Variants in DLEC1 observed in about 807,000 individuals in gnomAD.
The protein encoded by DLEC1 is DLEC1 cilia and flagella associated protein.
Under a neutral mutation model 198.1 loss-of-function variants are expected in DLEC1, and 146 were observed. The observed-to-expected ratio is 0.74, with a 90% CI of 0.64 to 0.85. The LOEUF is 0.85. Ranked by LOEUF, DLEC1 falls within the 40% of genes least tolerant of loss-of-function variation. DLEC1 has a pLI of 0.00. For missense variants in DLEC1, 2,233 were observed against 2,220.0 expected (o/e 1.01, Z -0.12); for synonymous variants, 897 against 866.8 (o/e 1.03, Z -0.61).
chr3:38,116,557 G>C lies in DLEC1; in HGVS notation c.3961G>C (p.Gly1321Arg), dbSNP rs777594196. 2.5e-6 allele frequency: 4 copies of C among 1,614,126 alleles called. No individual in the cohort carries two copies. Among genetic ancestry groups the C allele is most frequent in the Non-Finnish European group, 3.4e-6 (4 of 1,179,984 alleles). ...GPPFPLRDQA[G>R]NELVCPDTPE... ...ACCTTTCCCGCTGCGGGACCAAGCC[G>C]GGAATGAGCTTGTGTGCCCTGATAC... The change falls in exon 28 of 37, where the codon GGG becomes CGG. Residue 1321 changes from glycine to arginine, a missense_variant. Gly to Arg is a moderately radical substitution (Grantham distance 125). Coordinates refer to ENST00000308059, the MANE Select transcript of DLEC1 (RefSeq NM_007335.4).
chr3:38,092,978 C>G, intron 11 of DLEC1, 98 bp downstream of exon 11: 1 of 1,154,050 alleles, frequency 8.7e-7, no homozygotes, highest in Non-Finnish European at 1.3e-6. Flanking sequence ...CACCTGTTTC[C>G]TGTGTGTGTC....
chr3:38,093,485 C>T, intron 11 of DLEC1, 120 bp from the exon 12 acceptor site: 1 of 1,180,214 alleles, frequency 8.5e-7, no homozygotes, highest in East Asian at 2.3e-5. Flanking sequence ...CCAGTGTGAG[C>T]TTGCAGGAAT....
rs1224334803 is a variant in DLEC1 at position 38,092,811 on chromosome 3, C to T, written c.1687C>T (p.Leu563=). The T allele has an allele frequency of 6.2e-7, 1 of 1,614,058 alleles. No homozygotes were observed. Among genetic ancestry groups the T allele is most frequent in the Non-Finnish European group, 8.5e-7 (1 of 1,179,976 alleles). Residue 563 remains leucine, a synonymous_variant, in exon 11 of 37, where the codon CTA becomes TTA. Coordinates refer to ENST00000308059, the MANE Select transcript of DLEC1 (RefSeq NM_007335.4). ...CCAGGTCTTGTTTTCCCCAAAGAGC[C>T]TAGGAAAGGCAGAGCAGACCTTCAT... ...LVEVLFSPKS[L]GKAEQTFIIM...
At chr3:38,086,206 T>C in intron 8 of DLEC1, 35 bp from the exon 9 acceptor site, 1 of 1,585,312 alleles carries the variant, frequency 6.3e-7, no homozygotes. Flanking sequence ...GAGTGACCTG[T>C]TGTTTCTCTT....
intron 19 of DLEC1, among the ~76,000 whole-genome samples, chr3:38,105,042 G>T: frequency 6.6e-6 from 1 of 151,672 alleles, no homozygotes; most frequent in African/African-American, 2.4e-5. Flanking sequence ...AATTTTTCTT[G>T]TGGTTTCTTA....
intron 6 of DLEC1, among the ~76,000 whole-genome samples, chr3:38,064,158 G>T (rs980672599): frequency 7.9e-5 from 12 of 151,814 alleles, no homozygotes; most frequent in African/African-American, 2.9e-4. Flanking sequence ...GGGCCCTGCC[G>T]CCTTCCGCAG....
At chr3:38,111,214 G>A (rs1439720919) in intron 23 of DLEC1, among the ~76,000 whole-genome samples, 5 of 152,188 alleles carry the variant, frequency 3.3e-5, no homozygotes. Flanking sequence ...GGTGGAAGGC[G>A]ACCCATGAAC....
In DLEC1 at chr3:38,086,248, G is replaced by A. The variant is rs573265663; in HGVS notation, c.1443G>A (p.Pro481=). The A allele has an allele frequency of 1.5e-4, 240 of 1,608,834 alleles. 3 individuals are homozygous for A. In the South Asian group the frequency reaches 2.2e-3, roughly 14 times the overall value. ...GTTCTCCTGTGGCTACAGTGTCACC[G>A]GTGTTGGACTGTGGTTACTGCCTCA... ...RRPPPVLTLS[P]VLDCGYCLIG... The change falls in exon 9 of 37, where the codon CCG becomes CCA. Residue 481 remains proline, a synonymous_variant. Transcript: ENST00000308059.
chr3:38,039,428 A>C lies in DLEC1; in HGVS notation c.203A>C (p.Gln68Pro). ...GCAGCCCGGCCCCGCCGCCTCACGC[A>C]GCTTGCGCTGGCGCAGCGTCCCGAG... is the stretch of plus-strand genomic sequence containing the variant. The part of the protein sequence containing the change: ...SFAARPRRLT[Q>P]LALAQRPEPQ... Residue 68 changes from glutamine to proline, a missense_variant, in exon 1 of 37, where the codon CAG becomes CCG. By Grantham distance (76) the Gln-to-Pro change is moderately conservative. Coordinates refer to ENST00000308059, the MANE Select transcript of DLEC1 (RefSeq NM_007335.4). 1 of 1,613,780 alleles carries C rather than the reference A, an allele frequency of 6.2e-7. No homozygotes were observed. The highest frequency in any genetic ancestry group is 8.5e-7 in the Non-Finnish European group (1 of 1,179,790).
intron 2 of DLEC1, among the ~76,000 whole-genome samples, chr3:38,058,049 T>C (rs1036725640): frequency 5.3e-5 from 8 of 152,142 alleles, no homozygotes; most frequent in African/African-American, 9.7e-5. Flanking sequence ...GTGATCCGCC[T>C]GCCTCAGCCT....
In DLEC1 at chr3:38,095,086, A is replaced by C; in HGVS notation, c.2112+15A>C. 6.2e-7 allele frequency: 1 copy of C among 1,613,564 alleles called. No homozygotes were observed. The highest frequency in any genetic ancestry group is 8.5e-7 in the Non-Finnish European group (1 of 1,179,542). ...CTCCTCATGAGGTTCAGATGGTGTC[A>C]TCTCAGTAGCCACACATGGTTGGAT... On this transcript the variant is annotated intron_variant, in intron 13 of 36. Coordinates refer to ENST00000308059, the MANE Select transcript of DLEC1 (RefSeq NM_007335.4).
chr3:38,041,822 T>C lies in DLEC1; in HGVS notation c.411+2186T>C, dbSNP rs534645758. ...AAGACTGCACCACTGCACTCCAGCC[T>C]GGGCGACAGAACGAGACTCCGTTTC... On this transcript the variant is annotated intron_variant, in intron 1 of 36. Transcript: ENST00000308059. Among the ~76,000 whole-genome samples the C allele has an allele frequency of 2.0e-3, 261 of 127,728 alleles. 2 individuals are homozygous for C. Among genetic ancestry groups the C allele is most frequent in the Middle Eastern group, 0.019 (3 of 162 alleles). The allele number at this position is 127,728 out of a possible 152,430, so 83.8% of individuals were successfully genotyped here.
intron 12 of DLEC1, 72 bp downstream of exon 12, chr3:38,093,839 A>G: frequency 6.3e-7 from 1 of 1,574,866 alleles, no homozygotes; most frequent in Non-Finnish European, 8.6e-7. Context: ...TCCCAGTGAG[A>G]CAGGAGGTCC....
chr3:38,047,418 C>T (rs907497920), intron 2 of DLEC1, among the ~76,000 whole-genome samples: 1 of 152,060 alleles, frequency 6.6e-6, no homozygotes, highest in Non-Finnish European at 1.5e-5. Flanking sequence ...AGTCACAGAA[C>T]AATGTTAGGA....
intron 19 of DLEC1, among the ~76,000 whole-genome samples, chr3:38,105,169 T>A: frequency 6.6e-6 from 1 of 152,206 alleles, no homozygotes; most frequent in East Asian, 1.9e-4. Flanking sequence ...TTTATATAAT[T>A]ATAGTCGTTT....
chr3:38,048,184 A>T (rs1489445688), intron 2 of DLEC1, among the ~76,000 whole-genome samples: 2 of 152,200 alleles, frequency 1.3e-5, no homozygotes, highest in Non-Finnish European at 2.9e-5. Context: ...TGAGCTGGTG[A>T]GATGTTCCAG....
chr3:38,082,429 G>T, intron 6 of DLEC1, among the ~76,000 whole-genome samples: 1 of 151,866 alleles, frequency 6.6e-6, no homozygotes, highest in Admixed American at 6.6e-5. Context: ...CGGCACTTTG[G>T]GAGGCCAAGG....
chr3:38,093,929 T>C (rs957664900), intron 12 of DLEC1, among the ~76,000 whole-genome samples, 162 bp downstream of exon 12: 1 of 152,180 alleles, frequency 6.6e-6, no homozygotes, highest in Non-Finnish European at 1.5e-5. Flanking sequence ...CAGTCTATCA[T>C]GGAAACCAGT....
chr3:38,118,124 C>A, intron 33 of DLEC1, 100 bp downstream of exon 33: 1 of 1,338,652 alleles, frequency 7.5e-7, no homozygotes, highest in East Asian at 2.5e-5. Flanking sequence ...TACCCAGACG[C>A]AAACTGCATG....
Sources: allele counts gnomAD v4.1 joint callset (sites outside exome capture counted in the v4.1 genomes callset), GRCh38; gene constraint gnomAD v4.1.1; transcripts MANE v1.5; gene names NCBI Gene and HGNC (gene_info 2026-07-23, HGNC 2026-07-21).